The following MROH2A variants were observed in gnomAD, a reference collection of about 807,000 sequenced individuals.
MROH2A encodes maestro heat-like repeat-containing protein family member 2A.
A neutral mutation model predicts 200.4 loss-of-function variants in MROH2A; 174 were observed. The observed-to-expected ratio is 0.87, with a 90% CI of 0.77 to 0.98. MROH2A has a LOEUF of 0.98. Ranked by LOEUF, MROH2A falls within the 50% of genes least tolerant of loss-of-function variation. The pLI, the probability that MROH2A is intolerant of heterozygous loss-of-function variation, is 0.00. For synonymous variants in MROH2A, 829 were observed against 840.4 expected, an observed-to-expected ratio of 0.99 and a Z score of 0.23; for missense variants, 2,045 against 2,139.6, an observed-to-expected ratio of 0.96 and a Z score of 0.87.
chr2:233,812,852 T>C (rs541354994), intron 24 of MROH2A, among the ~76,000 whole-genome samples: 65 of 152,356 alleles, frequency 4.3e-4, no homozygotes, highest in African/African-American at 1.5e-3. Flanking sequence ...CATTTGGCTT[T>C]TGACCTGGGC....
rs541714075 is a variant in MROH2A at position 233,779,527 on chromosome 2, G to A, written c.94+75G>A. On this transcript the variant is annotated intron_variant, in intron 2 of 41. Coordinates refer to ENST00000389758, the MANE Select transcript of MROH2A (RefSeq NM_001394639.1). Reference sequence around the variant, plus strand: ...ACTCTTTGACTGCAGCCCCAGCCTAGGTCTCCCTTTCTCCATCTGCACAGT... The same window carrying A: ...ACTCTTTGACTGCAGCCCCAGCCTAAGTCTCCCTTTCTCCATCTGCACAGT... 4.3e-6 allele frequency: 6 copies of A among 1,408,514 alleles called. No homozygotes were observed. The African/African-American group carries it at 4.3e-5, about 10-fold the overall frequency. 87.3% of individuals were successfully genotyped at this position (1,408,514 alleles called of 1,614,324 possible).
intron 35 of MROH2A, among the ~76,000 whole-genome samples, chr2:233,825,323 T>C (rs561283603): frequency 3.9e-5 from 6 of 152,344 alleles, no homozygotes; most frequent in Admixed American, 1.3e-4. Context: ...TTCTTTCTCT[T>C]GCCTGATTGC....
At chr2:233,796,542 G>A (rs892746100) in intron 11 of MROH2A, among the ~76,000 whole-genome samples, 8 of 152,132 alleles carry the variant, frequency 5.3e-5, no homozygotes, top group African/African-American at 7.2e-5. Context: ...TTGTTAACCC[G>A]AATCCTCCTG....
At chr2:233,830,111 G>C (rs763429558) in intron 38 of MROH2A, among the ~76,000 whole-genome samples, 19 of 152,182 alleles carry the variant, frequency 1.2e-4, no homozygotes, top group Non-Finnish European at 2.1e-4. Context: ...TGAGTATTAG[G>C]ACTCAAAATA....
At chr2:233,783,036 T>C (rs951867482) in intron 3 of MROH2A, among the ~76,000 whole-genome samples, 1 of 152,238 alleles carries the variant, frequency 6.6e-6, no homozygotes, top group African/African-American at 2.4e-5. Context: ...TTGTGTGTAT[T>C]GGACCATCCT....
chr2:233,789,659 C>A (rs1330342428), intron 4 of MROH2A, 31 bp downstream of exon 4: 1 of 1,448,258 alleles, frequency 6.9e-7, no homozygotes, highest in African/African-American at 1.4e-5. Context: ...GGTGCCTTCC[C>A]TCTGCCAGCC....
chr2:233,793,897 T>G, intron 7 of MROH2A, 73 bp downstream of exon 7: 2 of 1,307,122 alleles, frequency 1.5e-6, no homozygotes, highest in Non-Finnish European at 2.0e-6. Flanking sequence ...GGCCGGGAGG[T>G]GCTGAGGGAC....
chr2:233,800,619 G>A (rs535231139), intron 14 of MROH2A, among the ~76,000 whole-genome samples: 1 of 94,690 alleles, frequency 1.1e-5, no homozygotes, highest in East Asian at 3.2e-4. Context: ...TTTAAGGCCC[G>A]TGTGTGTGTG....
intron 39 of MROH2A, 125 bp downstream of exon 39, chr2:233,831,665 G>A (rs920721759): frequency 7.5e-6 from 8 of 1,063,998 alleles, no homozygotes; most frequent in Non-Finnish European, 9.3e-6. Context: ...ATGCCATGTC[G>A]AGACCGGCAC....
At chr2:233,787,384 A>G (rs1701256672) in intron 3 of MROH2A, among the ~76,000 whole-genome samples, 1 of 145,690 alleles carries the variant, frequency 6.9e-6, no homozygotes, top group Non-Finnish European at 1.5e-5. Context: ...TTACTTTTTC[A>G]TTATAAAGCA....
rs1704911092 is a variant in MROH2A, at chr2:233,833,260, G to A, written c.*1G>A. 7.8e-6 allele frequency: 12 copies of A among 1,536,272 alleles called. No individual in the cohort carries two copies. The East Asian group carries it at 3.0e-4, about 38-fold the overall frequency. On this transcript the variant is annotated 3_prime_UTR_variant, in exon 42 of 42. Coordinates refer to ENST00000389758, the MANE Select transcript of MROH2A (RefSeq NM_001394639.1). ...GGCTTCACCCCAAGGAATGTCCTAG[G>A]TGGTCCAAACATAAGACGTAAACTG...
intron 11 of MROH2A, among the ~76,000 whole-genome samples, 167 bp downstream of exon 11, chr2:233,796,480 C>T (rs1702120817): frequency 6.6e-6 from 1 of 152,052 alleles, no homozygotes; most frequent in Non-Finnish European, 1.5e-5. Flanking sequence ...TAAGCTTTAA[C>T]CTAATCAGCA....
intron 26 of MROH2A, 40 bp downstream of exon 26, chr2:233,814,717 C>T (rs1357790473): frequency 7.1e-7 from 1 of 1,401,330 alleles, no homozygotes; most frequent in South Asian, 1.2e-5. Flanking sequence ...GGGATGGCCA[C>T]TCCTCCCCAG....
At chr2:233,824,718 A>C (rs933067287) in intron 35 of MROH2A, among the ~76,000 whole-genome samples, 4 of 152,252 alleles carry the variant, frequency 2.6e-5, no homozygotes, top group Admixed American at 2.6e-4. Flanking sequence ...GGTGAGAGCT[A>C]AATGAGATAG....
rs922499470 is a variant in MROH2A at position 233,809,034 on chromosome 2, T to C, written c.2296-92T>C. ...GGTGAAGCACCGCCAGCTGACTCAA[T>C]GGATCCTTTGGTTGTGTGGCCAGAG... On this transcript the variant is annotated intron_variant, in intron 21 of 41. Coordinates refer to ENST00000389758, the MANE Select transcript of MROH2A (RefSeq NM_001394639.1). 1.1e-5 allele frequency: 15 copies of C among 1,414,782 alleles called. No individual in the cohort carries two copies. In the Admixed American group the frequency reaches 1.4e-4, roughly 13 times the overall value. The allele number at this position is 1,414,782 out of a possible 1,614,324, so 87.6% of individuals were successfully genotyped here.
At chr2:233,833,025 G>T in intron 41 of MROH2A, 113 bp from the exon 42 acceptor site, 1 of 1,305,174 alleles carries the variant, frequency 7.7e-7, no homozygotes, top group Non-Finnish European at 1.0e-6. Flanking sequence ...GAGTTTCCCC[G>T]TCTGCCCCTG....
intron 14 of MROH2A, among the ~76,000 whole-genome samples, chr2:233,801,962 C>G (rs1442707210): frequency 6.6e-6 from 1 of 152,172 alleles, no homozygotes. Context: ...CTAGCAGACT[C>G]TCTTGCCACA....
chr2:233,789,132 C>T (rs1575912834), intron 3 of MROH2A, among the ~76,000 whole-genome samples: 1 of 151,992 alleles, frequency 6.6e-6, no homozygotes. Flanking sequence ...GGCAATTTTC[C>T]TGGGCCCACA....
chr2:233,791,165 C>A (rs1486307945), intron 5 of MROH2A, among the ~76,000 whole-genome samples: 1 of 152,154 alleles, frequency 6.6e-6, no homozygotes, highest in African/African-American at 2.4e-5. Context: ...GGGGACGTCA[C>A]CTCGGGCACT....
Sources: allele counts gnomAD v4.1 joint callset (sites outside exome capture counted in the v4.1 genomes callset), GRCh38; gene constraint gnomAD v4.1.1; transcripts MANE v1.5; gene names NCBI Gene and HGNC (gene_info 2026-07-23, HGNC 2026-07-21).